IL15: variants seen among roughly 807,000 people sequenced by gnomAD.
IL15 encodes the protein interleukin-15.
A neutral mutation model predicts 19.6 loss-of-function variants in IL15; 11 were observed. That is an observed-to-expected ratio of 0.56 (90% confidence interval 0.35 to 0.93). IL15 has a LOEUF of 0.93. Ranked by LOEUF, IL15 falls within the 40% of genes least tolerant of loss-of-function variation. IL15 has a pLI of 0.01. For synonymous variants in IL15, 58 were observed against 59.6 expected (o/e 0.97, Z 0.12); for missense variants, 197 against 186.5 (o/e 1.06, Z -0.33).
chr4:141,724,917 GAGGA>G (rs1730210088), intron 5 of IL15, among the ~76,000 whole-genome samples: 1 of 152,070 alleles, frequency 6.6e-6, no homozygotes, highest in South Asian at 2.1e-4. Context: ...GAAAATAGAA[GAGGA>G]AGGAACATTT....
At chr4:141,712,264 A>G (rs1419135814) in intron 2 of IL15, among the ~76,000 whole-genome samples, 2 of 152,112 alleles carry the variant, frequency 1.3e-5, no homozygotes, top group African/African-American at 4.8e-5. Flanking sequence ...GTTTGAATGA[A>G]GTGCTTTTGA....
At chr4:141,689,456 A>G (rs570486229) in intron 2 of IL15, among the ~76,000 whole-genome samples, 2 of 152,304 alleles carry the variant, frequency 1.3e-5, no homozygotes, top group African/African-American at 2.4e-5. Flanking sequence ...AGGCCCCACC[A>G]GAATAGCTAG....
At chr4:141,694,472 T>G (rs569332091) in intron 2 of IL15, among the ~76,000 whole-genome samples, 53 of 152,168 alleles carry the variant, frequency 3.5e-4, no homozygotes, top group Non-Finnish European at 7.1e-4. Context: ...TCAGATACTT[T>G]ATCAAGTAAT....
chr4:141,693,368 C>A (rs1029936605), intron 2 of IL15, among the ~76,000 whole-genome samples: 1 of 152,176 alleles, frequency 6.6e-6, no homozygotes, highest in Non-Finnish European at 1.5e-5. Flanking sequence ...AGAGCCAAAT[C>A]ATATCAAATA....
At chr4:141,696,657 TC>T (rs934707110) in intron 2 of IL15, among the ~76,000 whole-genome samples, 3 of 152,064 alleles carry the variant, frequency 2.0e-5, no homozygotes, top group African/African-American at 7.2e-5. Flanking sequence ...TATTTTTATT[TC>T]AATAGATTTT....
chr4:141,721,082 C>A, intron 4 of IL15: 1 of 1,425,130 alleles, frequency 7.0e-7, no homozygotes, highest in Non-Finnish European at 9.6e-7. Context: ...ACCCAGTTGG[C>A]CCAAAGCACC....
intron 2 of IL15, among the ~76,000 whole-genome samples, chr4:141,684,003 G>C (rs572693155): frequency 6.6e-6 from 1 of 152,036 alleles, no homozygotes; most frequent in Admixed American, 6.6e-5. Flanking sequence ...GGTTTTCTTC[G>C]CCAAAAATAC....
chr4:141,687,520 C>A (rs934264121), intron 2 of IL15, among the ~76,000 whole-genome samples: 2 of 152,182 alleles, frequency 1.3e-5, no homozygotes, highest in Non-Finnish European at 2.9e-5. Context: ...GAGGCTATTA[C>A]TTCCTCAATA....
At chr4:141,651,188 CTA>C (rs1435388507) in intron 1 of IL15, among the ~76,000 whole-genome samples, 1 of 151,480 alleles carries the variant, frequency 6.6e-6, no homozygotes. Flanking sequence ...CACACACCAT[CTA>C]TATATATACA....
intron 2 of IL15, among the ~76,000 whole-genome samples, chr4:141,665,692 A>G (rs1340383758): frequency 2.0e-5 from 3 of 152,126 alleles, no homozygotes; most frequent in African/African-American, 4.8e-5. Flanking sequence ...TGATTTCTTT[A>G]TATATTTCCA....
chr4:141,657,164 A>G (rs1727637715), intron 2 of IL15, among the ~76,000 whole-genome samples: 1 of 152,190 alleles, frequency 6.6e-6, no homozygotes, highest in African/African-American at 2.4e-5. Context: ...TAACACAATG[A>G]TAAGTATTTG....
Position 141,652,338 on chromosome 4 carries a change from A to G in IL15, c.-221-3848A>G, listed in dbSNP as rs537182307. Among the ~76,000 whole-genome samples the G allele has an allele frequency of 1.2e-4, 18 of 152,240 alleles. 1 individual carries two copies. The South Asian group carries it at 3.1e-3, about 26-fold the overall frequency. ...GAGAAGGAAGAACCAGCAGTGCTAT[A>G]AAAGATAAGTTCTGCTGTCCAATCT... On this transcript the variant is annotated intron_variant, in intron 1 of 7. Coordinates refer to ENST00000320650, the MANE Select transcript of IL15 (RefSeq NM_000585.5).
intron 5 of IL15, among the ~76,000 whole-genome samples, chr4:141,725,649 A>T (rs982021399): frequency 6.6e-5 from 10 of 152,172 alleles, no homozygotes; most frequent in African/African-American, 1.9e-4. Context: ...GGTGTGGAGA[A>T]CTGCCTCAAC....
chr4:141,693,434 T>C (rs1325412179), intron 2 of IL15, among the ~76,000 whole-genome samples: 2 of 152,198 alleles, frequency 1.3e-5, no homozygotes, highest in Non-Finnish European at 2.9e-5. Flanking sequence ...TCATTCACTT[T>C]TGTAACCATA....
At chr4:141,653,200 C>A (rs1439159744) in intron 1 of IL15, among the ~76,000 whole-genome samples, 3 of 152,106 alleles carry the variant, frequency 2.0e-5, no homozygotes, top group Admixed American at 2.0e-4. Flanking sequence ...AAATTATTTA[C>A]AGCCTCCTTT....
chr4:141,645,216 G>A (rs949157820), intron 1 of IL15, among the ~76,000 whole-genome samples: 2 of 152,126 alleles, frequency 1.3e-5, no homozygotes, highest in Admixed American at 6.6e-5. Flanking sequence ...CTTGAGACAA[G>A]TTCCACTTTA....
At chr4:141,672,104 ATAGTT>A (rs1361341642) in intron 2 of IL15, among the ~76,000 whole-genome samples, 2 of 152,230 alleles carry the variant, frequency 1.3e-5, no homozygotes, top group Non-Finnish European at 2.9e-5. Flanking sequence ...GTCCTTCTAT[ATAGTT>A]CATAGTCATT....
intron 1 of IL15, among the ~76,000 whole-genome samples, chr4:141,655,732 G>A (rs766770619): frequency 2.6e-5 from 4 of 151,950 alleles, no homozygotes; most frequent in Non-Finnish European, 5.9e-5. Context: ...TTACTACTTC[G>A]TATTTGAGTG....
chr4:141,641,940 A>G (rs1055433259), intron 1 of IL15, among the ~76,000 whole-genome samples: 3 of 151,868 alleles, frequency 2.0e-5, no homozygotes, highest in African/African-American at 7.3e-5. Flanking sequence ...TTGAATGTAA[A>G]TTATTTTTGT....
Sources: allele counts gnomAD v4.1 joint callset (sites outside exome capture counted in the v4.1 genomes callset), GRCh38; gene constraint gnomAD v4.1.1; transcripts MANE v1.5; gene names NCBI Gene and HGNC (gene_info 2026-07-23, HGNC 2026-07-21).